The following CEP41 variants were observed in gnomAD, a reference collection of about 807,000 sequenced individuals.
CEP41 encodes the protein centrosomal protein 41, also known as centrosomal protein of 41 kDa.
In CEP41, 32 loss-of-function variants were observed where a neutral mutation model predicts 44.3. That is an observed-to-expected ratio of 0.72 (90% CI 0.54 to 0.97). CEP41 has a LOEUF of 0.97. Among genes scored for constraint, CEP41 ranks in the 50% least tolerant of loss-of-function variants. The pLI, the probability that CEP41 is intolerant of heterozygous loss-of-function variation, is 0.00. For synonymous variants in CEP41, 151 were observed against 168.5 expected, an observed-to-expected ratio of 0.90 and a Z score of 0.80; for missense variants, 432 against 455.2, an observed-to-expected ratio of 0.95 and a Z score of 0.46.
intron 1 of CEP41, chr7:130,440,588 G>A: frequency 2.0e-6 from 1 of 493,484 alleles, no homozygotes; most frequent in Non-Finnish European, 3.7e-6. Flanking sequence ...TTCAACACGT[G>A]CCATTAGTGT....
chr7:130,399,840 T>C (rs960934175), intron 10 of CEP41, 199 bp downstream of exon 10: 1 of 549,250 alleles, frequency 1.8e-6, no homozygotes, highest in East Asian at 3.2e-5. Context: ...AAAGTCGCTA[T>C]GTTTTGATAA....
chr7:130,440,777 G>GA, intron 1 of CEP41, 157 bp downstream of exon 1: 2 of 501,054 alleles, frequency 4.0e-6, no homozygotes, highest in African/African-American at 2.0e-5. Flanking sequence ...CGGCCCCCAA[G>GA]CCCGGCCCGC....
chr7:130,406,860 C>T (rs1797026306), intron 5 of CEP41, among the ~76,000 whole-genome samples: 1 of 151,482 alleles, frequency 6.6e-6, no homozygotes, highest in Admixed American at 6.6e-5. Context: ...AGGAGATATA[C>T]CTAATGTAAA....
At position 130,415,922 on chromosome 7, in the gene CEP41, T is replaced by C. The variant is rs112801043; in HGVS notation, c.145+997A>G. 9.0e-3 allele frequency among the ~76,000 whole-genome samples: 1,377 copies of C among 152,336 alleles called. 23 individuals are homozygous for C. The highest frequency in any genetic ancestry group is 0.031 in the African/African-American group (1,293 of 41,574). On this transcript the variant is annotated intron_variant, in intron 3 of 10. Coordinates refer to ENST00000223208, the MANE Select transcript of CEP41 (RefSeq NM_018718.3). ...GAGAAGGATACTGTGGCATTACATA[T>C]TTTTAAGAAGTTTGTAGCATTAGCC...
rs1319297274 is a variant in CEP41 at position 130,404,574 on chromosome 7, T to C, written c.412A>G (p.Thr138Ala). ...NAGAGDSSRSTLQSVISGVGE... is the reference protein window; with the variant it reads ...NAGAGDSSRSALQSVISGVGE... Reference sequence around the variant, plus strand: ...ATCAGCTTCGAGTACCTCTGAAGAGTTGAGCGGCTGGAGTCCCCTGCTCCT... The same window carrying C: ...ATCAGCTTCGAGTACCTCTGAAGAGCTGAGCGGCTGGAGTCCCCTGCTCCT... Residue 138 changes from threonine (T) to alanine (A), a missense_variant, in exon 6 of 11, where the codon ACT (threonine) becomes GCT (alanine). Physicochemically the swap from Thr to Ala is moderately conservative, Grantham distance 58 (BLOSUM62 0). Coordinates refer to ENST00000223208, the MANE Select transcript of CEP41 (RefSeq NM_018718.3). 2.5e-6 allele frequency: 4 copies of C among 1,613,594 alleles called. No individual in the cohort carries two copies. The highest frequency in any genetic ancestry group is 3.3e-5 in the Admixed American group (2 of 59,976).
At chr7:130,414,705 C>T (rs1362028639) in intron 3 of CEP41, among the ~76,000 whole-genome samples, 3 of 152,142 alleles carry the variant, frequency 2.0e-5, no homozygotes, top group Non-Finnish European at 2.9e-5. Context: ...GAAGGACAGC[C>T]GTCAGTAGGA....
chr7:130,403,139 G>A (rs4731691), intron 6 of CEP41, among the ~76,000 whole-genome samples: 29,210 of 152,188 alleles, frequency 0.19, 2,925 homozygotes, highest in Middle Eastern at 0.27. Flanking sequence ...GAGGGGAACT[G>A]TGAATCCAGT....
chr7:130,435,917 G>C (rs1481981074), intron 1 of CEP41, among the ~76,000 whole-genome samples: 1 of 152,188 alleles, frequency 6.6e-6, no homozygotes, highest in African/African-American at 2.4e-5. Flanking sequence ...CACTTTGGGA[G>C]GCCGAGGCTG....
At chr7:130,426,848 A>C (rs550025270) in intron 2 of CEP41, 1 of 262,560 alleles carries the variant, frequency 3.8e-6, no homozygotes, top group African/African-American at 2.3e-5. Flanking sequence ...TCCTTTATTG[A>C]ACTCCGAATA....
Position 130,400,069 on chromosome 7 carries a change from C to G in CEP41, c.943G>C (p.Glu315Gln). 6.2e-7 allele frequency: 1 copy of G among 1,611,588 alleles called. No homozygotes were observed. The highest frequency in any genetic ancestry group is 8.5e-7 in the Non-Finnish European group (1 of 1,178,694). The change falls in exon 10 of 11, where the codon GAA (glutamate) becomes CAA (glutamine). Residue 315 changes from glutamate to glutamine, a missense_variant. Physicochemically the swap from Glu to Gln is conservative, Grantham distance 29. Coordinates refer to ENST00000223208, the MANE Select transcript of CEP41 (RefSeq NM_018718.3). Reference protein sequence around the residue: ...EDLKKIEYYLEEEQGPADHPS... With the variant: ...EDLKKIEYYLQEEQGPADHPS... Reference sequence around the variant, plus strand: ...TGATCTGCAGGCCCTTGCTCCTCTTCCAGATAATATTCTATCTTTTTTAAG... The same window carrying G: ...TGATCTGCAGGCCCTTGCTCCTCTTGCAGATAATATTCTATCTTTTTTAAG...
In CEP41 at chr7:130,440,939, G is replaced by T. The variant is rs149373377; in HGVS notation, c.28C>A (p.Pro10Thr). 9 of 1,612,392 alleles carry T rather than the reference G, an allele frequency of 5.6e-6. No individual in the cohort carries two copies. In the African/African-American group the frequency reaches 9.3e-5, roughly 17 times the overall value. Reference sequence around the variant, plus strand: ...GGCCGAGACCTGGCCCTCACCTCAGGGTTCCCAATGTGCCTCCGGAGGGAC... The same window carrying T: ...GGCCGAGACCTGGCCCTCACCTCAGTGTTCCCAATGTGCCTCCGGAGGGAC... MSLRRHIGN[P>T]EYLMKRIPQN... is the part of the protein sequence containing the mutation. The change falls in exon 1 of 11, where the codon CCT (proline) becomes ACT (threonine). Residue 10 changes from proline to threonine, a missense_variant. Coordinates refer to ENST00000223208, the MANE Select transcript of CEP41 (RefSeq NM_018718.3).
upstream of CEP41, among the ~76,000 whole-genome samples, chr7:130,441,502 AAGTTAATATGCGAATTATGC>A (rs1378538050): frequency 2.6e-5 from 4 of 152,214 alleles, no homozygotes; most frequent in African/African-American, 9.6e-5. Flanking sequence ...TTTTCTGGTT[AAGTTAATATGCGAATTATGC>A]AAAATACATG....
At chr7:130,401,792 C>T in intron 8 of CEP41, 89 bp downstream of exon 8, 1 of 882,766 alleles carries the variant, frequency 1.1e-6, no homozygotes, top group South Asian at 1.3e-5. Flanking sequence ...AGGTCCTTCA[C>T]AGCATTCTTA....
intron 1 of CEP41, among the ~76,000 whole-genome samples, chr7:130,440,274 C>A (rs569293362): frequency 5.8e-4 from 89 of 152,320 alleles, no homozygotes; most frequent in Non-Finnish European, 1.0e-3. Context: ...CCGCCTCGGC[C>A]TCCCAAAGTG....
Position 130,412,232 on chromosome 7 carries a change from A to G in CEP41, c.154T>C (p.Tyr52His). 1 of 1,496,310 alleles carries G rather than the reference A, an allele frequency of 6.7e-7. No homozygotes were observed. Among genetic ancestry groups the G allele is most frequent in the Non-Finnish European group, 9.3e-7 (1 of 1,073,006 alleles). 92.7% of individuals were successfully genotyped at this position (1,496,310 alleles called of 1,614,324 possible). ...KLEEIKKNYR[Y>H]KKDELFKRLK... ...CTCTTGAAAAGCTCATCTTTTTTGTATCTATAATCTGAAAAATATGGTAAG... is the reference window on the plus strand; with the variant it reads ...CTCTTGAAAAGCTCATCTTTTTTGTGTCTATAATCTGAAAAATATGGTAAG... The change falls in exon 4 of 11, where the codon TAC becomes CAC. Residue 52 changes from tyrosine (Y) to histidine (H), a missense_variant. Transcript: ENST00000223208.
chr7:130,404,210 A>T (rs971220051), intron 6 of CEP41, among the ~76,000 whole-genome samples: 8 of 152,210 alleles, frequency 5.3e-5, no homozygotes, highest in Non-Finnish European at 1.5e-5. Context: ...AGGGTATTAT[A>T]AGCTTCAGCA....
chr7:130,408,416 TAGAA>T (rs1163582934), intron 5 of CEP41, among the ~76,000 whole-genome samples: 2 of 152,018 alleles, frequency 1.3e-5, no homozygotes, highest in East Asian at 1.9e-4. Flanking sequence ...AACATCCTAT[TAGAA>T]AGAAAGGAAA....
rs1424448127 is a variant in CEP41 at position 130,395,791 on chromosome 7, G to A, written c.*3100C>T. 1.3e-5 allele frequency: 6 copies of A among 453,014 alleles called. No homozygotes were observed. The highest frequency in any genetic ancestry group is 2.6e-5 in the Non-Finnish European group (6 of 226,690). The allele number at this position is 453,014 out of a possible 1,614,324, so 28.1% of individuals were successfully genotyped here. ...ATAGCACCACAGGAAAAATCCCTGAGCAACTAATGAATGTTATTTGGTCTC... is the reference window on the plus strand; with the variant it reads ...ATAGCACCACAGGAAAAATCCCTGAACAACTAATGAATGTTATTTGGTCTC... On this transcript the variant is annotated 3_prime_UTR_variant, in exon 11 of 11. Coordinates refer to ENST00000223208, the MANE Select transcript of CEP41 (RefSeq NM_018718.3).
chr7:130,403,818 G>GC (rs1796926769), intron 6 of CEP41, among the ~76,000 whole-genome samples: 1 of 152,178 alleles, frequency 6.6e-6, no homozygotes, highest in Admixed American at 6.5e-5. Context: ...CTTCTTGAGT[G>GC]CAATTTTAGA....
Sources: allele counts gnomAD v4.1 joint callset (sites outside exome capture counted in the v4.1 genomes callset), GRCh38; gene constraint gnomAD v4.1.1; transcripts MANE v1.5; gene names NCBI Gene and HGNC (gene_info 2026-07-23, HGNC 2026-07-21).